PVT1: variants seen among roughly 807,000 people sequenced by gnomAD.
PVT1 encodes the protein CXCR4/PVT1 fusion.
At chr8:128,036,360 C>G (rs893979619) in intron 4 of PVT1, among the ~76,000 whole-genome samples, 14 of 152,222 alleles carry the variant, frequency 9.2e-5, no homozygotes, top group African/African-American at 3.4e-4. Context: ...GCACCTTCCT[C>G]CCGTGCCTTA....
At chr8:127,996,114 C>G (rs936061625) in intron 4 of PVT1, among the ~76,000 whole-genome samples, 1 of 152,182 alleles carries the variant, frequency 6.6e-6, no homozygotes, top group Non-Finnish European at 1.5e-5. Context: ...TTTCTCCTTT[C>G]TGTTCCTCTT....
At chr8:128,083,277 C>G (rs187296789) in intron 5 of PVT1, among the ~76,000 whole-genome samples, 9 of 152,276 alleles carry the variant, frequency 5.9e-5, no homozygotes, top group African/African-American at 2.2e-4. Context: ...CATCGCTTGG[C>G]GCATTGTAAT....
chr8:127,973,519 A>G (rs528924053), intron 3 of PVT1, among the ~76,000 whole-genome samples: 1 of 152,104 alleles, frequency 6.6e-6, no homozygotes, highest in East Asian at 1.9e-4. Context: ...CCAAAGTGCT[A>G]CCTTTGCCTT....
At chr8:127,989,531 C>A (rs1023134530) in intron 4 of PVT1, among the ~76,000 whole-genome samples, 2 of 152,074 alleles carry the variant, frequency 1.3e-5, no homozygotes, top group African/African-American at 4.8e-5. Context: ...GGGAGGAGCC[C>A]ACCATCTCCT....
At chr8:127,861,586 C>T (rs762405304) in intron 2 of PVT1, among the ~76,000 whole-genome samples, 1 of 151,924 alleles carries the variant, frequency 6.6e-6, no homozygotes, top group African/African-American at 2.4e-5. Context: ...TATATTATGA[C>T]CATCTCCTCT....
At chr8:128,032,533 TTCC>T (rs1428100760) in intron 4 of PVT1, among the ~76,000 whole-genome samples, 6 of 152,360 alleles carry the variant, frequency 3.9e-5, no homozygotes, top group African/African-American at 1.2e-4. Flanking sequence ...CATATTATAT[TTCC>T]ATCATGGTGT....
At chr8:128,001,299 G>T (rs531631947) in intron 4 of PVT1, among the ~76,000 whole-genome samples, 1 of 152,288 alleles carries the variant, frequency 6.6e-6, no homozygotes, top group South Asian at 2.1e-4. Flanking sequence ...AGTGAACAAT[G>T]GTTCCCAGAG....
At chr8:127,924,754 G>A (rs1015410617) in intron 3 of PVT1, among the ~76,000 whole-genome samples, 3 of 151,814 alleles carry the variant, frequency 2.0e-5, no homozygotes, top group Non-Finnish European at 4.4e-5. Flanking sequence ...CTCGTGATCC[G>A]CCCACCTCGG....
intron 2 of PVT1, among the ~76,000 whole-genome samples, chr8:127,885,714 T>C (rs977198260): frequency 3.3e-5 from 5 of 152,156 alleles, no homozygotes; most frequent in Admixed American, 1.3e-4. Context: ...AGTAGTTCTA[T>C]GAAATGAGTA....
intron 2 of PVT1, among the ~76,000 whole-genome samples, chr8:127,824,847 T>C (rs995489566): frequency 6.6e-6 from 1 of 152,130 alleles, no homozygotes; most frequent in Admixed American, 6.5e-5. Flanking sequence ...TGGCCGGGCA[T>C]GAAGGCTCCT....
chr8:127,861,704 G>T (rs533996557), intron 2 of PVT1, among the ~76,000 whole-genome samples: 1 of 152,042 alleles, frequency 6.6e-6, no homozygotes, highest in Non-Finnish European at 1.5e-5. Flanking sequence ...TCTGTAAAAT[G>T]GGGAAAATAA....
intron 5 of PVT1, among the ~76,000 whole-genome samples, chr8:128,078,622 T>G (rs1563681889): frequency 6.6e-6 from 1 of 152,190 alleles, no homozygotes; most frequent in African/African-American, 2.4e-5. Flanking sequence ...TTTCTCCCCC[T>G]AACTGTAGGA....
chr8:127,965,045 C>T (rs1441774359), intron 3 of PVT1, among the ~76,000 whole-genome samples: 3 of 152,070 alleles, frequency 2.0e-5, no homozygotes, highest in African/African-American at 2.4e-5. Context: ...TATCTTTTTT[C>T]GGTGGGTGAA....
chr8:127,995,809 G>A (rs775902995), intron 4 of PVT1, among the ~76,000 whole-genome samples: 30 of 152,160 alleles, frequency 2.0e-4, no homozygotes, highest in Non-Finnish European at 3.8e-4. Context: ...AAATGATTAC[G>A]TAATATACTC....
chr8:127,984,871 T>TTCTTTCTTTCTTTCTTTC lies in PVT1; in HGVS notation n.783-4289_783-4272dup, dbSNP rs1816931272. Among the ~76,000 whole-genome samples the TTCTTTCTTTCTTTCTTTC allele has an allele frequency of 1.4e-4, 11 of 81,106 alleles. No homozygotes were observed. In the East Asian group the frequency reaches 2.6e-3, roughly 19 times the overall value. The allele number at this position is 81,106 out of a possible 152,430, so 53.2% of individuals were successfully genotyped here. A position where few individuals can be genotyped will look rare whatever the true frequency, so the allele number is the denominator to read the frequency against. On this transcript the variant is annotated intron_variant and non_coding_transcript_variant, in intron 3 of 10. Transcript: ENST00000651587. ...TTTCTTTCTTTCTTTCTTTCTTTCT[T>TTCTTTCTTTCTTTCTTTC]TCTTTCTTTCTTTCTTTCTTTCTTT...
intron 2 of PVT1, among the ~76,000 whole-genome samples, chr8:127,870,825 T>A (rs190077474): frequency 1.9e-3 from 284 of 152,322 alleles, no homozygotes; most frequent in Non-Finnish European, 3.2e-3. Flanking sequence ...CGATGATGCA[T>A]GTAAAGCCCC....
intron 2 of PVT1, among the ~76,000 whole-genome samples, chr8:127,881,004 C>G (rs531176483): frequency 6.6e-6 from 1 of 152,350 alleles, no homozygotes; most frequent in Non-Finnish European, 1.5e-5. Flanking sequence ...TGAAGAATGG[C>G]TCTAAGCAAT....
intron 2 of PVT1, among the ~76,000 whole-genome samples, chr8:127,866,248 T>C (rs1815285561): frequency 6.6e-6 from 1 of 152,184 alleles, no homozygotes; most frequent in Non-Finnish European, 1.5e-5. Context: ...CCCTCATGGT[T>C]TTCCATAACA....
chr8:127,866,305 G>T (rs1422752289), intron 2 of PVT1, among the ~76,000 whole-genome samples: 1 of 152,106 alleles, frequency 6.6e-6, no homozygotes, highest in Non-Finnish European at 1.5e-5. Flanking sequence ...TGTCTGTGTA[G>T]GGAGCATGGC....
Sources: allele counts gnomAD v4.1 joint callset (sites outside exome capture counted in the v4.1 genomes callset), GRCh38; gene constraint gnomAD v4.1.1; transcripts MANE v1.5; gene names NCBI Gene and HGNC (gene_info 2026-07-23, HGNC 2026-07-21).